The following SEC16A variants were observed in gnomAD, a reference collection of about 807,000 sequenced individuals.
SEC16A encodes the protein protein transport protein Sec16A.
A neutral mutation model predicts 221.9 loss-of-function variants in SEC16A; 110 were observed. That is an observed-to-expected ratio of 0.50 (90% confidence interval 0.42 to 0.58). The LOEUF (loss-of-function observed/expected upper bound fraction) is 0.58, where lower values mean the gene tolerates loss of function less well. Among genes scored for constraint, SEC16A ranks in the 20% least tolerant of loss-of-function variants. The pLI is 0.00. For missense variants in SEC16A, 3,165 were observed against 3,097.8 expected, an observed-to-expected ratio of 1.02 and a Z score of -0.52; for synonymous variants, 1,393 against 1,257.7, an observed-to-expected ratio of 1.11 and a Z score of -2.28.
chr9:136,444,883 A>T (rs1246116544), intron 30 of SEC16A, among the ~76,000 whole-genome samples, 169 bp downstream of exon 30: 1 of 150,468 alleles, frequency 6.6e-6, no homozygotes, highest in Non-Finnish European at 1.5e-5. Context: ...CCGTCTCAAA[A>T]AAAAAAAAAA....
At chr9:136,465,940 C>T in intron 8 of SEC16A, 22 bp downstream of exon 8, 7 of 1,606,168 alleles carry the variant, frequency 4.4e-6, no homozygotes, top group Non-Finnish European at 6.0e-6. Context: ...GCCGGTATCC[C>T]TCTGTCCTGC....
intron 30 of SEC16A, 41 bp downstream of exon 30, chr9:136,445,011 C>A: frequency 6.4e-7 from 1 of 1,571,558 alleles, no homozygotes; most frequent in Non-Finnish European, 8.7e-7. Flanking sequence ...AGGCGGCACA[C>A]GCCAGCTCTC....
At position 136,475,358 on chromosome 9, in the gene SEC16A, G is replaced by C. The variant is rs755633235; in HGVS notation, c.2258C>G (p.Pro753Arg). 2 of 1,609,494 alleles carry C rather than the reference G, an allele frequency of 1.2e-6. No homozygotes were observed. Among genetic ancestry groups the C allele is most frequent in the East Asian group, 4.5e-5 (2 of 44,772 alleles). The change falls in exon 3 of 32, where the codon CCT becomes CGT. Residue 753 changes from proline to arginine, a missense_variant. Coordinates refer to ENST00000684901, the MANE Select transcript of SEC16A (RefSeq NM_014866.2). This position sits in a 1 kb window ranked among gnomAD's most constrained non-coding sequence, Gnocchi z 5.0. ...TGGAGGCTGAACAACAGGTGGCTGA[G>C]GTTTTGCACACACATAAAGCGCCGG... Reference protein sequence around the residue: ...AAPALYVCAKPQPPVVQPPEE... With the variant: ...AAPALYVCAKRQPPVVQPPEE...
At position 136,449,331 on chromosome 9, in the gene SEC16A, A is replaced by G. The variant is rs556064831; in HGVS notation, c.6313-1170T>C. 2.0e-5 allele frequency among the ~76,000 whole-genome samples: 3 copies of G among 152,290 alleles called. No individual in the cohort carries two copies. In the East Asian group the frequency reaches 5.8e-4, roughly 29 times the overall value. ...AATGGCGCGATCTCGGCGCACTGCA[A>G]CCTCTGCCTCCCGGGTTCAAGTAGT... On this transcript the variant is annotated intron_variant, in intron 23 of 31. Transcript: ENST00000684901.
chr9:136,459,596 C>T lies in SEC16A; in HGVS notation c.5192-41G>A. 1 of 1,496,464 alleles carries T rather than the reference C, an allele frequency of 6.7e-7. No individual in the cohort carries two copies. Among genetic ancestry groups the T allele is most frequent in the Non-Finnish European group, 9.1e-7 (1 of 1,097,576 alleles). 92.7% of individuals were successfully genotyped at this position (1,496,464 alleles called of 1,614,324 possible). On this transcript the variant is annotated intron_variant, in intron 15 of 31. Transcript: ENST00000684901. This position sits in a 1 kb window ranked among gnomAD's most constrained non-coding sequence, Gnocchi z 6.1. ...ACGACACACGGCGGGGGCTCAGCGA[C>T]CGGGAGCGCTTGCAGAAGTCAAGGA...
Position 136,477,771 on chromosome 9 carries a change from A to G in SEC16A, c.-69-87T>C, listed in dbSNP as rs1841838645. The G allele has an allele frequency of 3.1e-6, 4 of 1,289,734 alleles. No individual in the cohort carries two copies. In the South Asian group the frequency reaches 4.8e-5, roughly 16 times the overall value. The allele number at this position is 1,289,734 out of a possible 1,614,324, so 79.9% of individuals were successfully genotyped here. A position where few individuals can be genotyped will look rare whatever the true frequency, so the allele number is the denominator to read the frequency against. ...AGGAAAACTAAGGAAAAAGAGAAAC[A>G]TTGAACATGATTTTATGTCACTTAA... On this transcript the variant is annotated intron_variant, in intron 2 of 31. Transcript: ENST00000684901.
At position 136,459,685 on chromosome 9, in the gene SEC16A, C is replaced by A; in HGVS notation, c.5191+72G>T. The A allele has an allele frequency of 7.1e-7, 1 of 1,417,834 alleles. No homozygotes were observed. Among genetic ancestry groups the A allele is most frequent in the Non-Finnish European group, 9.7e-7 (1 of 1,028,932 alleles). The allele number at this position is 1,417,834 out of a possible 1,614,324, so 87.8% of individuals were successfully genotyped here. On this transcript the variant is annotated intron_variant, in intron 15 of 31. Coordinates refer to ENST00000684901, the MANE Select transcript of SEC16A (RefSeq NM_014866.2). The surrounding 1 kb of genome is among the most constrained non-coding windows in gnomAD (Gnocchi z 6.1). ...AAGGCCGGGTTCTGGTGATTTCTGC[C>A]AACGCCACAGACAACCGGGCCTTCG...
intron 30 of SEC16A, among the ~76,000 whole-genome samples, chr9:136,444,502 AT>A (rs1836671330): frequency 6.6e-6 from 1 of 152,202 alleles, no homozygotes; most frequent in African/African-American, 2.4e-5. Flanking sequence ...GGAAAAACCA[AT>A]TTGGAAAGAG....
chr9:136,453,415 T>C lies in SEC16A; in HGVS notation c.6159+13A>G. 4 of 1,606,200 alleles carry C rather than the reference T, an allele frequency of 2.5e-6. No homozygotes were observed. Among genetic ancestry groups the C allele is most frequent in the Middle Eastern group, 1.7e-4 (1 of 6,048 alleles). On this transcript the variant is annotated intron_variant, in intron 22 of 31. Coordinates refer to ENST00000684901, the MANE Select transcript of SEC16A (RefSeq NM_014866.2). ...ATGGAAAACAAACAGTTTAAGAAAA[T>C]GTGACAAAGTACCAGATTAGCAAAT...
At chr9:136,469,272 G>A (rs570122709) in intron 4 of SEC16A, among the ~76,000 whole-genome samples, 10 of 152,286 alleles carry the variant, frequency 6.6e-5, no homozygotes, top group African/African-American at 2.4e-4. Flanking sequence ...GTGTGCTCCT[G>A]GAGCGGGATT....
intron 18 of SEC16A, among the ~76,000 whole-genome samples, chr9:136,456,749 G>C (rs1435484270): frequency 6.6e-6 from 1 of 152,228 alleles, no homozygotes; most frequent in African/African-American, 2.4e-5. Context: ...ACTCTCGTCA[G>C]TCATGCCGCC....
intron 20 of SEC16A, 109 bp from the exon 21 acceptor site, chr9:136,454,436 T>C: frequency 2.9e-6 from 3 of 1,042,382 alleles, no homozygotes; most frequent in South Asian, 2.7e-5. Flanking sequence ...TACAGCCCCA[T>C]TTCTTTTATA....
Position 136,459,700 on chromosome 9 carries a change from C to T in SEC16A, c.5191+57G>A, listed in dbSNP as rs1839209627. The stretch of plus-strand genomic sequence containing the variant: ...TGATTTCTGCCAACGCCACAGACAA[C>T]CGGGCCTTCGGCGCTCCATCCGCGA... On this transcript the variant is annotated intron_variant, in intron 15 of 31. Coordinates refer to ENST00000684901, the MANE Select transcript of SEC16A (RefSeq NM_014866.2). The surrounding 1 kb of genome is among the most constrained non-coding windows in gnomAD (Gnocchi z 6.1). 1 of 1,459,836 alleles carries T rather than the reference C, an allele frequency of 6.9e-7. No homozygotes were observed. 90.4% of individuals were successfully genotyped at this position (1,459,836 alleles called of 1,614,324 possible).
chr9:136,477,219 G>A lies in SEC16A; in HGVS notation c.397C>T (p.Pro133Ser). 1 of 1,613,920 alleles carries A rather than the reference G, an allele frequency of 6.2e-7. No homozygotes were observed. The highest frequency in any genetic ancestry group is 8.5e-7 in the Non-Finnish European group (1 of 1,179,890). ...CTCCTGTTCATCTCAGGCCCAGGAG[G>A]TGCTGAAGGTGTCAATGCACCAGAA... The part of the protein sequence containing the change: ...PFSGALTPSA[P>S]PGPEMNRSAE... The change falls in exon 3 of 32, where the codon CCT (proline) becomes TCT (serine). Residue 133 changes from proline to serine, a missense_variant. Pro to Ser is a moderately conservative substitution (Grantham distance 74). This residue lies in a region of SEC16A where 2,030 missense variants were observed against 1,923.1 expected (regional missense o/e 1.06). Coordinates refer to ENST00000684901, the MANE Select transcript of SEC16A (RefSeq NM_014866.2).
At chr9:136,469,009 T>G (rs1840518791) in intron 4 of SEC16A, among the ~76,000 whole-genome samples, 2 of 152,040 alleles carry the variant, frequency 1.3e-5, no homozygotes, top group Admixed American at 1.3e-4. Context: ...CTACCACACC[T>G]GGCTAATTTT....
At chr9:136,444,244 A>C (rs1378627658) in intron 30 of SEC16A, among the ~76,000 whole-genome samples, 1 of 152,204 alleles carries the variant, frequency 6.6e-6, no homozygotes, top group Non-Finnish European at 1.5e-5. Context: ...CAGGGCTCTC[A>C]TTTGCAGGCG....
At chr9:136,455,222 G>A (rs959370683) in intron 20 of SEC16A, among the ~76,000 whole-genome samples, 8 of 152,210 alleles carry the variant, frequency 5.3e-5, no homozygotes, top group African/African-American at 1.2e-4. Context: ...CCCTTCCACC[G>A]ACGGGGCCGA....
intron 19 of SEC16A, 65 bp from the exon 20 acceptor site, chr9:136,455,858 G>C: frequency 6.9e-7 from 1 of 1,453,180 alleles, no homozygotes; most frequent in Non-Finnish European, 9.3e-7. Flanking sequence ...CTGCCCGCCT[G>C]CCACCACCGC....
At chr9:136,483,067 C>G, upstream of SEC16A, 1 of 973,296 alleles carries the variant, frequency 1.0e-6, no homozygotes, top group Non-Finnish European at 1.2e-6. Context: ...GCCGCCGCGC[C>G]GCCGACGTGT....
Sources: allele counts gnomAD v4.1 joint callset (sites outside exome capture counted in the v4.1 genomes callset), GRCh38; gene constraint gnomAD v4.1.1; regional missense constraint gnomAD v4.1.1; non-coding constraint Gnocchi (gnomAD v3.1); transcripts MANE v1.5; gene names NCBI Gene and HGNC (gene_info 2026-07-23, HGNC 2026-07-21).